The following GRK3 variants were observed in gnomAD, a reference collection of about 807,000 sequenced individuals.
The protein encoded by GRK3 is G protein-coupled receptor kinase 3, also known as adrenergic, beta, receptor kinase 2.
GRK3 carries 54 observed loss-of-function variants against 95.7 expected under a neutral mutation model. That is an observed-to-expected ratio of 0.56 (90% CI 0.45 to 0.71). GRK3 has a LOEUF of 0.71. Among genes scored for constraint, GRK3 ranks in the 30% least tolerant of loss-of-function variants. The probability of loss-of-function intolerance (pLI) is 0.00; values close to 1 mark genes in which losing one functional copy is unlikely to be tolerated. For missense variants in GRK3, 649 were observed against 851.2 expected (o/e 0.76, Z 2.96); for synonymous variants, 281 against 290.8 (o/e 0.97, Z 0.34).
At chr22:25,672,630 C>A (rs1041095842) in intron 7 of GRK3, among the ~76,000 whole-genome samples, 2 of 152,118 alleles carry the variant, frequency 1.3e-5, no homozygotes, top group South Asian at 4.1e-4. Context: ...AAATACAAAT[C>A]TTTTACTTAA....
intron 2 of GRK3, among the ~76,000 whole-genome samples, chr22:25,628,336 C>G (rs1355166384): frequency 6.6e-6 from 1 of 152,168 alleles, no homozygotes; most frequent in African/African-American, 2.4e-5. Flanking sequence ...GTTTAACTTA[C>G]AAGTTTTTCT....
chr22:25,595,222 C>G (rs527947387), intron 1 of GRK3, among the ~76,000 whole-genome samples: 1 of 152,280 alleles, frequency 6.6e-6, no homozygotes, highest in African/African-American at 2.4e-5. Flanking sequence ...AACTGTCTTT[C>G]TTTGCCGATG....
intron 1 of GRK3, among the ~76,000 whole-genome samples, chr22:25,585,897 C>G (rs1376713882): frequency 6.6e-6 from 1 of 152,278 alleles, no homozygotes; most frequent in Non-Finnish European, 1.5e-5. Flanking sequence ...CTAGAGCCCC[C>G]TTTTAATTAT....
intron 2 of GRK3, among the ~76,000 whole-genome samples, chr22:25,627,133 G>T (rs1027681068): frequency 6.6e-6 from 1 of 152,178 alleles, no homozygotes; most frequent in African/African-American, 2.4e-5. Context: ...CTTGCTCAGG[G>T]ACTCCCATGT....
intron 2 of GRK3, among the ~76,000 whole-genome samples, chr22:25,620,427 C>T (rs926866078): frequency 8.5e-5 from 13 of 152,126 alleles, no homozygotes; most frequent in Middle Eastern, 3.2e-3. Flanking sequence ...TGGGGATTGT[C>T]GTGTTGGGTG....
At chr22:25,706,985 C>T (rs2085304725) in intron 15 of GRK3, among the ~76,000 whole-genome samples, 1 of 151,860 alleles carries the variant, frequency 6.6e-6, no homozygotes. Context: ...CCATGCCTGG[C>T]TAACTTTTTT....
chr22:25,646,983 T>C (rs1372610239), intron 3 of GRK3, among the ~76,000 whole-genome samples: 1 of 135,668 alleles, frequency 7.4e-6, no homozygotes, highest in East Asian at 2.1e-4. Flanking sequence ...ATCTTGCCAT[T>C]GCACTCTAGC....
chr22:25,579,608 G>A lies in GRK3; in HGVS notation c.113+14455G>A, dbSNP rs536451596. ...CTGCCTCAGCCTCCTGAGTAGCTGG[G>A]ACTACAGGCACCCACCACCACACCC... On this transcript the variant is annotated intron_variant, in intron 1 of 20. Coordinates refer to ENST00000324198, the MANE Select transcript of GRK3 (RefSeq NM_005160.4). Among the ~76,000 whole-genome samples the A allele has an allele frequency of 3.9e-4, 59 of 152,044 alleles. 1 individual carries two copies. In the East Asian group the frequency reaches 0.011, roughly 28 times the overall value.
In GRK3 at chr22:25,687,535, A is replaced by C; in HGVS notation, c.827-2A>C. ...TGAATTAAATTCTGAATCTGATTCCAGGGGGCGATTTGCACTACCACCTTT... is the reference window on the plus strand; with the variant it reads ...TGAATTAAATTCTGAATCTGATTCCCGGGGGCGATTTGCACTACCACCTTT... On this transcript the variant is annotated splice_acceptor_variant, in intron 10 of 20. Coordinates refer to ENST00000324198, the MANE Select transcript of GRK3 (RefSeq NM_005160.4). LOFTEE classifies it high-confidence loss of function. 1 of 1,612,566 alleles carries C rather than the reference A, an allele frequency of 6.2e-7. No homozygotes were observed. The highest frequency in any genetic ancestry group is 8.5e-7 in the Non-Finnish European group (1 of 1,179,408).
chr22:25,712,472 G>A (rs2085351586), intron 17 of GRK3, among the ~76,000 whole-genome samples: 1 of 152,240 alleles, frequency 6.6e-6, no homozygotes, highest in East Asian at 1.9e-4. Flanking sequence ...TTCACCTGCT[G>A]TATACCACTA....
intron 12 of GRK3, among the ~76,000 whole-genome samples, chr22:25,690,763 C>CTT: frequency 6.7e-6 from 1 of 149,212 alleles, no homozygotes; most frequent in South Asian, 2.1e-4. Flanking sequence ...GGCTTTTCTT[C>CTT]TTTTTTTTTT....
intron 2 of GRK3, among the ~76,000 whole-genome samples, chr22:25,626,868 G>A (rs895442365): frequency 6.6e-6 from 1 of 152,188 alleles, no homozygotes; most frequent in African/African-American, 2.4e-5. Flanking sequence ...CCACTGTTAT[G>A]GGTTTAGTCT....
intron 19 of GRK3, among the ~76,000 whole-genome samples, chr22:25,719,577 C>T (rs376236100): frequency 6.7e-4 from 102 of 152,026 alleles, no homozygotes; most frequent in South Asian, 5.6e-3. Context: ...ATTTCTGATC[C>T]GCACTACCTT....
intron 1 of GRK3, among the ~76,000 whole-genome samples, chr22:25,572,421 A>G (rs573598235): frequency 2.6e-5 from 4 of 152,170 alleles, no homozygotes; most frequent in Non-Finnish European, 5.9e-5. Flanking sequence ...TAGATCTTTG[A>G]GGAATCGCCA....
chr22:25,609,940 C>T, intron 2 of GRK3, among the ~76,000 whole-genome samples: 1 of 151,174 alleles, frequency 6.6e-6, no homozygotes, highest in Non-Finnish European at 1.5e-5. Flanking sequence ...CTCTGCCTTC[C>T]CAGTTCAATC....
chr22:25,695,704 G>A (rs1324908015), intron 13 of GRK3, among the ~76,000 whole-genome samples: 1 of 152,078 alleles, frequency 6.6e-6, no homozygotes, highest in African/African-American at 2.4e-5. Flanking sequence ...CCTGGCTGCA[G>A]TGTAGTCACA....
intron 3 of GRK3, among the ~76,000 whole-genome samples, chr22:25,649,490 TAG>T (rs1242399544): frequency 6.6e-6 from 1 of 152,214 alleles, no homozygotes; most frequent in African/African-American, 2.4e-5. Context: ...GTGTGAGTGA[TAG>T]CATGGTAATG....
chr22:25,652,964 A>G (rs1408044314), intron 3 of GRK3, among the ~76,000 whole-genome samples: 1 of 152,196 alleles, frequency 6.6e-6, no homozygotes, highest in African/African-American at 2.4e-5. Flanking sequence ...TATACGATGT[A>G]GGCTCTTGTA....
chr22:25,684,936 C>T lies in GRK3; in HGVS notation c.748-234C>T, dbSNP rs1465188193. ...GAAGAGAGACTTTTGAAGGTTCTCA[C>T]CACAAAGAAGTGATAATGTGTGAAG... On this transcript the variant is annotated intron_variant, in intron 9 of 20. Coordinates refer to ENST00000324198, the MANE Select transcript of GRK3 (RefSeq NM_005160.4). 3.3e-4 allele frequency among the ~76,000 whole-genome samples: 50 copies of T among 152,080 alleles called. 1 individual carries two copies. Among genetic ancestry groups the T allele is most frequent in the Admixed American group, 3.3e-3 (50 of 15,270 alleles).
Sources: allele counts gnomAD v4.1 joint callset (sites outside exome capture counted in the v4.1 genomes callset), GRCh38; gene constraint gnomAD v4.1.1; transcripts MANE v1.5; gene names NCBI Gene and HGNC (gene_info 2026-07-23, HGNC 2026-07-21).